RANBP2: variants seen among roughly 807,000 people sequenced by gnomAD.
RANBP2 encodes E3 SUMO-protein ligase RanBP2.
In RANBP2, 57 loss-of-function variants were observed where a neutral mutation model predicts 303.6. The observed-to-expected ratio is 0.19, with a 90% CI of 0.15 to 0.23. The LOEUF (loss-of-function observed/expected upper bound fraction) is 0.23, where lower values mean the gene tolerates loss of function less well. Among genes scored for constraint, RANBP2 ranks in the 10% least tolerant of loss-of-function variants. The probability of loss-of-function intolerance (pLI) is 1.00; values close to 1 mark genes in which losing one functional copy is unlikely to be tolerated. For missense variants in RANBP2, 3,138 were observed against 3,780.8 expected, an observed-to-expected ratio of 0.83 and a Z score of 4.46; for synonymous variants, 1,167 against 1,301.5, an observed-to-expected ratio of 0.90 and a Z score of 2.23.
At chr2:109,732,740 G>C in the RANBP2 span, 2 of 699,868 alleles carry the variant, frequency 2.9e-6, no homozygotes, top group South Asian at 2.7e-5. Flanking sequence ...GGTTTATGCA[G>C]GCAATCTTGG....
At chr2:108,846,840 A>G in the RANBP2 span, 1 of 1,613,600 alleles carries the variant, frequency 6.2e-7, no homozygotes, top group Non-Finnish European at 8.5e-7. Context: ...TTCTGTGGAG[A>G]ATAAACCAAA....
chr2:109,024,071 A>AGG, the RANBP2 span, among the ~76,000 whole-genome samples: 4 of 152,040 alleles, frequency 2.6e-5, no homozygotes, highest in Non-Finnish European at 5.9e-5. Flanking sequence ...GATTACAGGC[A>AGG]TGCACCACCA....
At chr2:109,431,812 A>C in the RANBP2 span, among the ~76,000 whole-genome samples, 1 of 152,148 alleles carries the variant, frequency 6.6e-6, no homozygotes, top group African/African-American at 2.4e-5. Flanking sequence ...TTGAGGCTGC[A>C]GTGAGCTATG....
the RANBP2 span, among the ~76,000 whole-genome samples, chr2:109,669,968 C>T: frequency 6.6e-6 from 1 of 150,776 alleles, no homozygotes; most frequent in African/African-American, 2.4e-5. Context: ...TCTGATAGTG[C>T]ACCTACCCCA....
the RANBP2 span, among the ~76,000 whole-genome samples, chr2:109,036,973 G>A: frequency 1.3e-5 from 2 of 152,086 alleles, no homozygotes; most frequent in South Asian, 2.1e-4. Flanking sequence ...GTGAGACCTC[G>A]TCTCTAACAA....
chr2:109,005,410 C>A, the RANBP2 span, among the ~76,000 whole-genome samples: 6 of 152,204 alleles, frequency 3.9e-5, no homozygotes, highest in African/African-American at 1.4e-4. Context: ...CTTTCCAGAA[C>A]TCCCCAAACT....
At chr2:109,219,880 C>CT in the RANBP2 span, among the ~76,000 whole-genome samples, 2 of 152,152 alleles carry the variant, frequency 1.3e-5, no homozygotes, top group Non-Finnish European at 2.9e-5. Flanking sequence ...AGGGCAATCT[C>CT]TATCAAAACC....
At chr2:108,853,997 T>A in the RANBP2 span, among the ~76,000 whole-genome samples, 5 of 6,294 alleles carry the variant, frequency 7.9e-4, no homozygotes, top group African/African-American at 1.1e-3. Context: ...TATAATAAAT[T>A]TATATTATAT....
At chr2:109,660,005 G>T in the RANBP2 span, among the ~76,000 whole-genome samples, 1 of 152,312 alleles carries the variant, frequency 6.6e-6, no homozygotes, top group African/African-American at 2.4e-5. Flanking sequence ...GTCCCAGTGA[G>T]GCAGGAGAAT....
the RANBP2 span, among the ~76,000 whole-genome samples, chr2:109,648,669 TC>T: frequency 6.7e-6 from 1 of 150,152 alleles, no homozygotes; most frequent in Non-Finnish European, 1.5e-5. Flanking sequence ...TTTTTTTTTT[TC>T]TGAGACGGAG....
At chr2:108,774,010 A>G (rs1677698667) in intron 23 of RANBP2, among the ~76,000 whole-genome samples, 5 of 152,218 alleles carry the variant, frequency 3.3e-5, no homozygotes, top group Admixed American at 2.6e-4. Context: ...AAGATTGTAT[A>G]TTTGTTACAG....
chr2:109,000,344 T>C, the RANBP2 span, among the ~76,000 whole-genome samples: 133 of 152,092 alleles, frequency 8.7e-4, no homozygotes, highest in East Asian at 0.014. Flanking sequence ...CTGGGCAACA[T>C]AGCAAGACCC....
chr2:108,798,901 C>T, the RANBP2 span, among the ~76,000 whole-genome samples: 4 of 151,750 alleles, frequency 2.6e-5, no homozygotes, highest in African/African-American at 4.8e-5. Context: ...ATGATTCTGT[C>T]CCTAAATACC....
At chr2:109,076,889 C>A in the RANBP2 span, among the ~76,000 whole-genome samples, 3 of 150,356 alleles carry the variant, frequency 2.0e-5, no homozygotes, top group Non-Finnish European at 4.5e-5. Flanking sequence ...AATAGGAAAA[C>A]AATTCTGAAA....
At chr2:108,875,967 T>G in the RANBP2 span, 2 of 600,496 alleles carry the variant, frequency 3.3e-6, no homozygotes. Context: ...GCCTATTTTC[T>G]CCACTGTTTT....
At chr2:109,599,186 G>A in the RANBP2 span, among the ~76,000 whole-genome samples, 6 of 152,188 alleles carry the variant, frequency 3.9e-5, no homozygotes, top group East Asian at 5.8e-4. Context: ...GGCCGGGCGC[G>A]GTGGCTCACA....
At chr2:109,192,867 A>G in the RANBP2 span, among the ~76,000 whole-genome samples, 1 of 152,182 alleles carries the variant, frequency 6.6e-6, no homozygotes, top group South Asian at 2.1e-4. Flanking sequence ...GTTTCTGTGC[A>G]CTGATTTTAT....
chr2:109,340,895 TAAA>T, the RANBP2 span, among the ~76,000 whole-genome samples: 1 of 151,308 alleles, frequency 6.6e-6, no homozygotes, highest in Non-Finnish European at 1.5e-5. Context: ...CTGGGAAAAG[TAAA>T]AAAAGGAAGA....
chr2:108,777,967 C>T (rs1006275229), intron 25 of RANBP2, among the ~76,000 whole-genome samples: 6 of 152,080 alleles, frequency 3.9e-5, no homozygotes, highest in Non-Finnish European at 8.8e-5. Flanking sequence ...ACAGCTCCTG[C>T]CACCTAGAAA....
Sources: gnomAD v4.1 joint callset for allele counts (sites outside exome capture counted in the v4.1 genomes callset) on GRCh38, gnomAD v4.1.1 for gene constraint, MANE v1.5 for transcripts, NCBI Gene and HGNC (gene_info 2026-07-23, HGNC 2026-07-21) for gene names.